PHOX2A: variants seen among roughly 807,000 people sequenced by gnomAD.
PHOX2A encodes the protein paired like homeobox 2A, also known as paired mesoderm homeobox protein 2A.
A neutral mutation model predicts 16.4 loss-of-function variants in PHOX2A; 10 were observed. The observed-to-expected ratio is 0.61, with a 90% CI of 0.38 to 1.04. The LOEUF is 1.04. Among genes scored for constraint, PHOX2A ranks in the 50% least tolerant of loss-of-function variants. The probability of loss-of-function intolerance (pLI) is 0.01; values close to 1 mark genes in which losing one functional copy is unlikely to be tolerated. For missense variants in PHOX2A, 361 were observed against 419.4 expected (o/e 0.86, Z 1.22); for synonymous variants, 219 against 203.8 (o/e 1.07, Z -0.64).
At position 72,239,833 on chromosome 11, in the gene PHOX2A, C is replaced by T; in HGVS notation, c.771G>A (p.Ala257=). 7.3e-7 allele frequency: 1 copy of T among 1,366,578 alleles called. No individual in the cohort carries two copies. Among genetic ancestry groups the T allele is most frequent in the Non-Finnish European group, 9.5e-7 (1 of 1,050,378 alleles). The allele number at this position is 1,366,578 out of a possible 1,614,324, so 84.7% of individuals were successfully genotyped here. The stretch of plus-strand genomic sequence containing the variant: ...CGGAGAAGGGCCCGGGGCCGGACTC[C>T]GCCGGCTGCCAAGCCTTAAGTAGTT... ...AAELLKAWQP[A]ESGPGPFSGV... Residue 257 remains alanine (A), a synonymous_variant, in exon 3 of 3, where the codon GCG becomes GCA. Coordinates refer to ENST00000298231, the MANE Select transcript of PHOX2A (RefSeq NM_005169.4).
rs1003429384 is a variant in PHOX2A at position 72,241,221 on chromosome 11, T to C, written c.286A>G (p.Thr96Ala). The change falls in exon 2 of 3, where the codon ACG becomes GCG. Residue 96 changes from threonine to alanine, a missense_variant. By Grantham distance (58) the Thr-to-Ala change is moderately conservative (BLOSUM62 0). This residue lies in a region of PHOX2A where 235 missense variants were observed against 263.8 expected (regional missense o/e 0.89). Transcript: ENST00000298231. Reference sequence around the variant, plus strand: ...TCCTTGAGCTGCGCGCTGGTGAACGTGGTGCGGATGCGCCGCTGCTTGCGC... The same window carrying C: ...TCCTTGAGCTGCGCGCTGGTGAACGCGGTGCGGATGCGCCGCTGCTTGCGC... ...EKRKQRRIRTTFTSAQLKELE... is the reference protein window; with the variant it reads ...EKRKQRRIRTAFTSAQLKELE... 6.3e-7 allele frequency: 1 copy of C among 1,596,102 alleles called. No individual in the cohort carries two copies. The highest frequency in any genetic ancestry group is 8.5e-7 in the Non-Finnish European group (1 of 1,173,846).
Position 72,241,304 on chromosome 11 carries a change from AGGGGGGCC to A in PHOX2A, c.218-23_218-16del. On this transcript the variant is annotated splice_polypyrimidine_tract_variant and intron_variant, in intron 1 of 2. Coordinates refer to ENST00000298231, the MANE Select transcript of PHOX2A (RefSeq NM_005169.4). ...CTTGTAGGGCACTGCGGGTGTGTGC[AGGGGGGCC>A]GGGGGGGGGGCAAAAAGGATGGGGG... is the stretch of plus-strand genomic sequence containing the variant. 3.7e-6 allele frequency: 2 copies of A among 545,986 alleles called. No homozygotes were observed. The highest frequency in any genetic ancestry group is 4.7e-6 in the Non-Finnish European group (2 of 424,778). 33.8% of individuals were successfully genotyped at this position (545,986 alleles called of 1,614,324 possible).
At chr11:72,240,799 C>G (rs990265535) in intron 2 of PHOX2A, among the ~76,000 whole-genome samples, 8 of 152,210 alleles carry the variant, frequency 5.3e-5, no homozygotes, top group Non-Finnish European at 1.2e-4. Context: ...CAGCTCGGCC[C>G]TGAGGTCCCC....
At chr11:72,243,178 G>A (rs556075645) in intron 1 of PHOX2A, among the ~76,000 whole-genome samples, 3 of 152,288 alleles carry the variant, frequency 2.0e-5, no homozygotes, top group Non-Finnish European at 2.9e-5. Flanking sequence ...GGAGAGTCTG[G>A]GGGAATGGGG....
In PHOX2A at chr11:72,244,104, C is replaced by T. The variant is rs1949144457; in HGVS notation, c.-100G>A. On this transcript the variant is annotated 5_prime_UTR_variant, in exon 1 of 3. Transcript: ENST00000298231. Reference sequence around the variant, plus strand: ...GTTCGAGCGCCAGGCTCCGAGGACCCGAGGCCAGCTCTGAGCGCCCGAGAG... The same window carrying T: ...GTTCGAGCGCCAGGCTCCGAGGACCTGAGGCCAGCTCTGAGCGCCCGAGAG... 1.9e-6 allele frequency: 1 copy of T among 530,446 alleles called. No homozygotes were observed. The highest frequency in any genetic ancestry group is 2.0e-5 in the African/African-American group (1 of 50,968). 32.9% of individuals were successfully genotyped at this position (530,446 alleles called of 1,614,324 possible).
chr11:72,243,952 G>C lies in PHOX2A; in HGVS notation c.53C>G (p.Ala18Gly). 1.5e-6 allele frequency: 2 copies of C among 1,310,052 alleles called. No individual in the cohort carries two copies. Among genetic ancestry groups the C allele is most frequent in the Non-Finnish European group, 2.0e-6 (2 of 1,022,818 alleles). The allele number at this position is 1,310,052 out of a possible 1,614,324, so 81.2% of individuals were successfully genotyped here. The change falls in exon 1 of 3, where the codon GCG becomes GGG. Residue 18 changes from alanine (A) to glycine (G), a missense_variant. Physicochemically the swap from Ala to Gly is moderately conservative, Grantham distance 60. This residue lies in a region of PHOX2A where 235 missense variants were observed against 263.8 expected (regional missense o/e 0.89). Transcript: ENST00000298231. ...SYDSCVAAMEASAYGDFGACS... is the reference protein window; with the variant it reads ...SYDSCVAAMEGSAYGDFGACS... ...GGCGCCAAAGTCGCCGTAGGCGGAC[G>C]CCTCCATGGCCGCCACGCACGAGTC... is the stretch of plus-strand genomic sequence containing the variant.
Position 72,241,124 on chromosome 11 carries a change from TC to T in PHOX2A, c.382del (p.Asp128ThrfsTer78). 1 of 1,613,926 alleles carries T rather than the reference TC, an allele frequency of 6.2e-7. No homozygotes were observed. The highest frequency in any genetic ancestry group is 1.7e-4 in the Middle Eastern group (1 of 6,046). On this transcript the variant is annotated frameshift_variant, in exon 2 of 3. Coordinates refer to ENST00000298231, the MANE Select transcript of PHOX2A (RefSeq NM_005169.4). LOFTEE classifies it high-confidence loss of function. ...YTREELALKI[D>X]LTEARVQVWF... Reference sequence around the variant, plus strand: ...CACCTGCACGCGAGCCTCAGTGAGGTCGATCTTGAGCGCCAGCTCCTCACGC... The same window carrying T: ...CACCTGCACGCGAGCCTCAGTGAGGTGATCTTGAGCGCCAGCTCCTCACGC...
chr11:72,243,691 A>C, intron 1 of PHOX2A, 97 bp downstream of exon 1: 1 of 643,996 alleles, frequency 1.6e-6, no homozygotes, highest in Non-Finnish European at 2.2e-6. Flanking sequence ...CAAGGCAGGA[A>C]TGGGGGCGGC....
chr11:72,239,860 G>T lies in PHOX2A; in HGVS notation c.744C>A (p.Ala248=), dbSNP rs1054364970. The T allele has an allele frequency of 3.3e-5, 46 of 1,377,542 alleles. No homozygotes were observed. Among genetic ancestry groups the T allele is most frequent in the Non-Finnish European group, 4.3e-5 (45 of 1,053,602 alleles). The allele number at this position is 1,377,542 out of a possible 1,614,324, so 85.3% of individuals were successfully genotyped here. The change falls in exon 3 of 3, where the codon GCC becomes GCA. Residue 248 remains alanine (A), a synonymous_variant. Transcript: ENST00000298231. ...CCGGCTGCCAAGCCTTAAGTAGTTC[G>T]GCCGCTCCCGCGCCAGGCCCGCCGC... The part of the protein sequence containing the change: ...GGGGGPGAGA[A]ELLKAWQPAE...
In PHOX2A at chr11:72,239,815, G is replaced by A. The variant is rs1316130082; in HGVS notation, c.789C>T (p.Pro263=). Residue 263 remains proline (P), a synonymous_variant, in exon 3 of 3, where the codon CCC becomes CCT. Transcript: ENST00000298231. ...AWQPAESGPG[P]FSGVLSSFHR... is the part of the protein sequence containing the mutation. ...GAAAGGAGGACAGAACCCCGGAGAA[G>A]GGCCCGGGGCCGGACTCCGCCGGCT... 4.4e-6 allele frequency: 6 copies of A among 1,356,742 alleles called. No homozygotes were observed. Among genetic ancestry groups the A allele is most frequent in the Middle Eastern group, 2.4e-4 (1 of 4,136 alleles). The allele number at this position is 1,356,742 out of a possible 1,614,324, so 84.0% of individuals were successfully genotyped here.
At chr11:72,241,649 C>T (rs111678033) in intron 1 of PHOX2A, among the ~76,000 whole-genome samples, 84 of 150,178 alleles carry the variant, frequency 5.6e-4, no homozygotes, top group African/African-American at 1.9e-3. Flanking sequence ...GTGCCTCCGA[C>T]CCTTCCCTCC....
intron 1 of PHOX2A, among the ~76,000 whole-genome samples, chr11:72,242,299 TC>T (rs1194307929): frequency 5.3e-5 from 8 of 152,208 alleles, no homozygotes; most frequent in African/African-American, 1.9e-4. Flanking sequence ...GGCCTCCATC[TC>T]CCCTGATTCT....
At chr11:72,242,753 T>G (rs954809754) in intron 1 of PHOX2A, among the ~76,000 whole-genome samples, 3 of 151,954 alleles carry the variant, frequency 2.0e-5, no homozygotes, top group Admixed American at 6.6e-5. Flanking sequence ...GCCTCCCAGG[T>G]TCAAGCGATT....
At chr11:72,240,335 C>T (rs1949106574) in intron 2 of PHOX2A, 137 bp from the exon 3 acceptor site, 1 of 1,196,984 alleles carries the variant, frequency 8.4e-7, no homozygotes, top group Non-Finnish European at 1.1e-6. Context: ...GGGCCTTCGG[C>T]CCTCCGCACG....
intron 1 of PHOX2A, 56 bp from the exon 2 acceptor site, chr11:72,241,345 A>T (rs1949119842): frequency 9.2e-7 from 1 of 1,087,078 alleles, no homozygotes; most frequent in African/African-American, 1.6e-5. Context: ...GGGAGTGAGA[A>T]GCAGAGTTCA....
rs1590726044 is a variant in PHOX2A, at chr11:72,239,546, C to T, written c.*203G>A. ...GGAGGTCCCGGTATAAAGAACTCCGCTCTGCTGGTAGAGGGTGGGTGAGGA... is the reference window on the plus strand; with the variant it reads ...GGAGGTCCCGGTATAAAGAACTCCGTTCTGCTGGTAGAGGGTGGGTGAGGA... On this transcript the variant is annotated 3_prime_UTR_variant, in exon 3 of 3. Coordinates refer to ENST00000298231, the MANE Select transcript of PHOX2A (RefSeq NM_005169.4). The T allele has an allele frequency of 2.5e-6, 1 of 407,870 alleles. No homozygotes were observed. The highest frequency in any genetic ancestry group is 4.3e-6 in the Non-Finnish European group (1 of 232,968). The allele number at this position is 407,870 out of a possible 1,614,324, so 25.3% of individuals were successfully genotyped here. A position where few individuals can be genotyped will look rare whatever the true frequency, so the allele number is the denominator to read the frequency against.
rs768681496 is a variant in PHOX2A, at chr11:72,241,054, A to G, written c.405+48T>C. The G allele has an allele frequency of 3.1e-6, 5 of 1,592,356 alleles. No individual in the cohort carries two copies. The East Asian group carries it at 6.7e-5, about 21-fold the overall frequency. On this transcript the variant is annotated intron_variant, in intron 2 of 2. Coordinates refer to ENST00000298231, the MANE Select transcript of PHOX2A (RefSeq NM_005169.4). ...CCCAGGTGTTAGACATTAAGCTCCCACACCTCCTTCCATGCGCACTCTCGT... is the reference window on the plus strand; with the variant it reads ...CCCAGGTGTTAGACATTAAGCTCCCGCACCTCCTTCCATGCGCACTCTCGT...
intron 1 of PHOX2A, among the ~76,000 whole-genome samples, chr11:72,241,600 C>T (rs1949123089): frequency 7.1e-6 from 1 of 141,680 alleles, no homozygotes; most frequent in South Asian, 2.3e-4. Flanking sequence ...TCCTCCCAAG[C>T]CCTGTTCCCT....
chr11:72,240,314 A>T, intron 2 of PHOX2A, 116 bp from the exon 3 acceptor site: 1 of 1,410,824 alleles, frequency 7.1e-7, no homozygotes, highest in Non-Finnish European at 9.4e-7. Flanking sequence ...CCGGGTTCTT[A>T]CTAGTTGGAG....
Sources: allele counts gnomAD v4.1 joint callset (sites outside exome capture counted in the v4.1 genomes callset), GRCh38; gene constraint gnomAD v4.1.1; regional missense constraint gnomAD v4.1.1; transcripts MANE v1.5; gene names NCBI Gene and HGNC (gene_info 2026-07-23, HGNC 2026-07-21).